The following MCM6 variants were observed in gnomAD, a reference collection of about 807,000 sequenced individuals.
MCM6 encodes the protein minichromosome maintenance complex component 6.
MCM6 carries 46 observed loss-of-function variants against 94.3 expected under a neutral mutation model. The observed-to-expected ratio is 0.49, with a 90% confidence interval of 0.39 to 0.62. The LOEUF (loss-of-function observed/expected upper bound fraction) is 0.62, where lower values mean the gene tolerates loss of function less well. Among genes scored for constraint, MCM6 ranks in the 20% least tolerant of loss-of-function variants. MCM6 has a pLI of 0.00. For synonymous variants in MCM6, 335 were observed against 351.9 expected (o/e 0.95, Z 0.54); for missense variants, 865 against 1,017.9 (o/e 0.85, Z 2.04).
chr2:135,869,890 G>A (rs1346148108), intron 3 of MCM6, among the ~76,000 whole-genome samples: 2 of 151,984 alleles, frequency 1.3e-5, no homozygotes, highest in Non-Finnish European at 1.5e-5. Flanking sequence ...TGGATAAGTG[G>A]GTATAACTCC....
chr2:135,876,210 C>G, intron 1 of MCM6, 49 bp downstream of exon 1: 1 of 1,461,684 alleles, frequency 6.8e-7, no homozygotes, highest in African/African-American at 1.5e-5. Context: ...CTGGCCCAGA[C>G]GCCGCAGGCT....
At position 135,862,701 on chromosome 2, in the gene MCM6, C is replaced by T. The variant is rs759630336; in HGVS notation, c.1126G>A (p.Val376Ile). 33 of 1,613,922 alleles carry T rather than the reference C, an allele frequency of 2.0e-5. No homozygotes were observed. Among genetic ancestry groups the T allele is most frequent in the Middle Eastern group, 1.6e-4 (1 of 6,084 alleles). The change falls in exon 8 of 17, where the codon GTT becomes ATT. Residue 376 changes from valine (V) to isoleucine (I), a missense_variant. This residue lies in a region of MCM6 where 153 missense variants were observed against 241.5 expected (regional missense o/e 0.63). Transcript: ENST00000264156. ...RGVLLMLFGG[V>I]PKTTGEGTSL... ...GTCCCTTCTCCTGTTGTCTTTGGAA[C>T]GCCACCAAAGAGCATCAGCAGGACA...
chr2:135,857,845 T>G (rs1477058019), intron 10 of MCM6, 52 bp downstream of exon 10: 5 of 1,463,518 alleles, frequency 3.4e-6, no homozygotes, highest in Non-Finnish European at 4.8e-6. Flanking sequence ...AGTACTACAT[T>G]AATCAACAAG....
intron 9 of MCM6, 61 bp downstream of exon 9, chr2:135,859,240 T>G: frequency 7.2e-7 from 1 of 1,382,694 alleles, no homozygotes. Flanking sequence ...CTTATAGGCC[T>G]TTACTGATAG....
At chr2:135,864,424 GGGAGT>G in intron 7 of MCM6, among the ~76,000 whole-genome samples, 1 of 152,234 alleles carries the variant, frequency 6.6e-6, no homozygotes, top group East Asian at 1.9e-4. Context: ...TAGCCCAGGA[GGGAGT>G]GCTTCAGCCT....
intron 8 of MCM6, among the ~76,000 whole-genome samples, chr2:135,862,249 A>G (rs145803325): frequency 1.0e-3 from 156 of 150,200 alleles, no homozygotes; most frequent in African/African-American, 3.7e-3. Flanking sequence ...ATGAAAATAC[A>G]TAATTCATAT....
chr2:135,870,117 TA>T lies in MCM6; in HGVS notation c.365+133del, dbSNP rs368036933. On this transcript the variant is annotated intron_variant, in intron 3 of 16. Transcript: ENST00000264156. ...ACAAGGAAACTGAGGCTCAGGGAGGTAAAAGTGATTTGTATAATGTTAAATA... is the reference window on the plus strand; with the variant it reads ...ACAAGGAAACTGAGGCTCAGGGAGGTAAAGTGATTTGTATAATGTTAAATA... The T allele has an allele frequency of 6.6e-5, 39 of 592,350 alleles. No homozygotes were observed. The Middle Eastern group carries it at 1.9e-3, about 28-fold the overall frequency. 36.7% of individuals were successfully genotyped at this position (592,350 alleles called of 1,614,324 possible). A position where few individuals can be genotyped will look rare whatever the true frequency, so the allele number is the denominator to read the frequency against.
intron 11 of MCM6, among the ~76,000 whole-genome samples, chr2:135,856,357 C>T (rs559141110): frequency 3.4e-4 from 52 of 152,090 alleles, no homozygotes; most frequent in Non-Finnish European, 6.0e-4. Flanking sequence ...ACTCAAGAAT[C>T]GCTTGAACCT....
Position 135,872,577 on chromosome 2 carries a change from G to T in MCM6, c.254+120C>A. ...GGCAGTATCAAAGCGCCTCTTCTCA[G>T]TGGGAAATAACTGTGAAAGCTGACC... On this transcript the variant is annotated intron_variant, in intron 2 of 16. Coordinates refer to ENST00000264156, the MANE Select transcript of MCM6 (RefSeq NM_005915.6). The T allele has an allele frequency of 1.9e-6, 2 of 1,063,786 alleles. 1 individual carries two copies. The highest frequency in any genetic ancestry group is 3.1e-5 in the South Asian group (2 of 64,070). 65.9% of individuals were successfully genotyped at this position (1,063,786 alleles called of 1,614,324 possible). A position where few individuals can be genotyped will look rare whatever the true frequency, so the allele number is the denominator to read the frequency against.
chr2:135,844,411 A>G, intron 16 of MCM6, 134 bp downstream of exon 16: 1 of 641,664 alleles, frequency 1.6e-6, no homozygotes, highest in Admixed American at 3.6e-5. Flanking sequence ...TTATTTTACA[A>G]CTCATACTTC....
intron 13 of MCM6, among the ~76,000 whole-genome samples, chr2:135,850,560 C>T (rs539023108): frequency 2.0e-5 from 3 of 152,094 alleles, no homozygotes; most frequent in East Asian, 1.9e-4. Context: ...GAAAGTACTT[C>T]GTCAATAGTA....
chr2:135,851,399 TAC>T lies in MCM6; in HGVS notation c.1917+1_1917+2del. On this transcript the variant is annotated splice_donor_variant, in intron 13 of 16. Coordinates refer to ENST00000264156, the MANE Select transcript of MCM6 (RefSeq NM_005915.6). LOFTEE classifies it high-confidence loss of function. ...TCTCATCATATCAAAGTGACTCTGATACCTCATCACAGCAGTGCATCCGAGCC... is the reference window on the plus strand; with the variant it reads ...TCTCATCATATCAAAGTGACTCTGATCTCATCACAGCAGTGCATCCGAGCC... 2 of 1,610,348 alleles carry T rather than the reference TAC, an allele frequency of 1.2e-6. No homozygotes were observed. Among genetic ancestry groups the T allele is most frequent in the Non-Finnish European group, 1.7e-6 (2 of 1,177,600 alleles).
chr2:135,866,036 A>G (rs1575366382), intron 6 of MCM6, 96 bp downstream of exon 6: 1 of 1,348,888 alleles, frequency 7.4e-7, no homozygotes, highest in Non-Finnish European at 1.0e-6. Context: ...CAGAAAGTGG[A>G]GGCTACAGTG....
In MCM6 at chr2:135,876,338, C is replaced by A; in HGVS notation, c.28G>T (p.Gly10Cys). 6.2e-7 allele frequency: 1 copy of A among 1,609,454 alleles called. No individual in the cohort carries two copies. The highest frequency in any genetic ancestry group is 8.5e-7 in the Non-Finnish European group (1 of 1,179,252). The change falls in exon 1 of 17, where the codon GGC becomes TGC. Residue 10 changes from glycine (G) to cysteine (C), a missense_variant. By Grantham distance (159) the Gly-to-Cys change is radical. This residue lies in a region of MCM6 where 404 missense variants were observed against 451.9 expected (regional missense o/e 0.89). Coordinates refer to ENST00000264156, the MANE Select transcript of MCM6 (RefSeq NM_005915.6). Reference protein sequence around the residue: MDLAAAAEPGAGSQHLEVRD... With the variant: MDLAAAAEPCAGSQHLEVRD... ...ACCTCCAGGTGCTGGCTGCCGGCGC[C>A]CGGCTCCGCTGCCGCCGCGAGGTCC...
chr2:135,852,933 A>G lies in MCM6; in HGVS notation c.1627-18T>C, dbSNP rs1679804065. The G allele has an allele frequency of 6.3e-7, 1 of 1,579,112 alleles. No individual in the cohort carries two copies. The highest frequency in any genetic ancestry group is 1.4e-5 in the African/African-American group (1 of 72,702). On this transcript the variant is annotated intron_variant, in intron 11 of 16. Coordinates refer to ENST00000264156, the MANE Select transcript of MCM6 (RefSeq NM_005915.6). ...TCTGTAACCTAATTCAAAACAAAAA[A>G]ATCACTTTGATAGTCACAGCAATAT...
intron 12 of MCM6, among the ~76,000 whole-genome samples, chr2:135,852,420 T>A (rs1679793819): frequency 6.6e-6 from 1 of 152,150 alleles, no homozygotes; most frequent in Non-Finnish European, 1.5e-5. Context: ...ATGGCCTAGA[T>A]GAATCCAATG....
At chr2:135,858,253 CTGAGGTGGGCTGATCA>C (rs1466740686) in intron 9 of MCM6, among the ~76,000 whole-genome samples, 1 of 152,264 alleles carries the variant, frequency 6.6e-6, no homozygotes, top group East Asian at 1.9e-4. Context: ...CTTTGGAAGG[CTGAGGTGGGCTGATCA>C]TGAGGTCAAG....
At chr2:135,847,945 T>C (rs1679702178) in intron 14 of MCM6, 108 bp downstream of exon 14, 5 of 720,358 alleles carry the variant, frequency 6.9e-6, no homozygotes, top group East Asian at 2.5e-5. Flanking sequence ...TTTTTCCGTT[T>C]TGCTACCATA....
At chr2:135,851,728 G>C in intron 12 of MCM6, 165 bp from the exon 13 acceptor site, 1 of 468,846 alleles carries the variant, frequency 2.1e-6, no homozygotes, top group Non-Finnish European at 3.6e-6. Context: ...TCTTTCAAAA[G>C]AAACTAATAT....
Sources: allele counts gnomAD v4.1 joint callset (sites outside exome capture counted in the v4.1 genomes callset), GRCh38; gene constraint gnomAD v4.1.1; regional missense constraint gnomAD v4.1.1; transcripts MANE v1.5; gene names NCBI Gene and HGNC (gene_info 2026-07-23, HGNC 2026-07-21).